The following VTI1A variants were observed in gnomAD, a reference collection of about 807,000 sequenced individuals.
VTI1A encodes the protein vesicle transport through interaction with t-SNAREs 1A.
A neutral mutation model predicts 34.9 loss-of-function variants in VTI1A; 22 were observed. That is an observed-to-expected ratio of 0.63 (90% CI 0.45 to 0.90). The LOEUF (loss-of-function observed/expected upper bound fraction) is 0.90, where lower values mean the gene tolerates loss of function less well. Among genes scored for constraint, VTI1A ranks in the 40% least tolerant of loss-of-function variants. The pLI is 0.00. For synonymous variants in VTI1A, 87 were observed against 97.3 expected (o/e 0.89, Z 0.62); for missense variants, 268 against 275.6 (o/e 0.97, Z 0.20).
chr10:112,454,989 C>A (rs1174573720), intron 1 of VTI1A, among the ~76,000 whole-genome samples: 1 of 151,890 alleles, frequency 6.6e-6, no homozygotes, highest in Non-Finnish European at 1.5e-5. Flanking sequence ...TTAATGATAG[C>A]CCTTAGTTAC....
intron 7 of VTI1A, among the ~76,000 whole-genome samples, chr10:112,787,529 GCTC>G (rs1852324068): frequency 1.3e-5 from 2 of 151,874 alleles, no homozygotes; most frequent in Non-Finnish European, 2.9e-5. Context: ...TTCTCTCTAA[GCTC>G]TGCTTAAATT....
intron 4 of VTI1A, among the ~76,000 whole-genome samples, chr10:112,534,990 A>G (rs920165178): frequency 1.3e-5 from 2 of 152,226 alleles, no homozygotes; most frequent in African/African-American, 4.8e-5. Flanking sequence ...GCTTATTGCA[A>G]TCAACATTTT....
In VTI1A at chr10:112,818,668, G is replaced by A. The variant is rs774701030; in HGVS notation, c.*3285G>A. ...CCAGCAACTTGGCGCCTGTTTAGAC[G>A]TTTTTATTTTCTTTCATTATTAGTC... On this transcript the variant is annotated 3_prime_UTR_variant, in exon 8 of 8. Coordinates refer to ENST00000393077, the MANE Select transcript of VTI1A (RefSeq NM_145206.4). 5 of 212,970 alleles carry A rather than the reference G, an allele frequency of 2.3e-5. No homozygotes were observed. Among genetic ancestry groups the A allele is most frequent in the African/African-American group, 4.5e-5 (2 of 44,140 alleles). The allele number at this position is 212,970 out of a possible 1,614,324, so 13.2% of individuals were successfully genotyped here.
At chr10:112,738,191 G>C (rs144334087) in intron 7 of VTI1A, among the ~76,000 whole-genome samples, 222 of 152,290 alleles carry the variant, frequency 1.5e-3, no homozygotes, top group African/African-American at 5.3e-3. Flanking sequence ...CATATGTAAA[G>C]TGGCACCATC....
At chr10:112,746,750 A>G (rs1253716768) in intron 7 of VTI1A, among the ~76,000 whole-genome samples, 1 of 152,228 alleles carries the variant, frequency 6.6e-6, no homozygotes, top group African/African-American at 2.4e-5. Context: ...CTAGGGAGAA[A>G]GAAAACTCAA....
chr10:112,618,368 A>G (rs997696974), intron 5 of VTI1A, among the ~76,000 whole-genome samples: 4 of 150,402 alleles, frequency 2.7e-5, no homozygotes, highest in Non-Finnish European at 4.4e-5. Flanking sequence ...TACCTCATCA[A>G]CATCATCATC....
the VTI1A span, among the ~76,000 whole-genome samples, chr10:112,828,931 C>T: frequency 9.2e-5 from 14 of 151,730 alleles, no homozygotes; most frequent in African/African-American, 3.1e-4. Context: ...AGCATTTGAA[C>T]CACAAAACTG....
chr10:112,479,254 A>C (rs1848384828), intron 3 of VTI1A, among the ~76,000 whole-genome samples: 1 of 151,822 alleles, frequency 6.6e-6, no homozygotes, highest in Admixed American at 6.5e-5. Context: ...GAGAGGAGGA[A>C]GACTCTGTAG....
At chr10:112,771,695 G>A (rs1222140864) in intron 7 of VTI1A, among the ~76,000 whole-genome samples, 1 of 152,018 alleles carries the variant, frequency 6.6e-6, no homozygotes, top group African/African-American at 2.4e-5. Flanking sequence ...GTACCTTTTA[G>A]CTATATCTTC....
At chr10:112,755,454 A>G (rs1347730712) in intron 7 of VTI1A, among the ~76,000 whole-genome samples, 1 of 152,150 alleles carries the variant, frequency 6.6e-6, no homozygotes, top group Non-Finnish European at 1.5e-5. Flanking sequence ...TTAATGAAGA[A>G]TAGTGGAGAA....
intron 7 of VTI1A, among the ~76,000 whole-genome samples, chr10:112,686,578 CGACGTGCTAGTTTCTTTAGAT>C (rs1848423228): frequency 6.6e-6 from 1 of 152,124 alleles, no homozygotes; most frequent in Admixed American, 6.5e-5. Context: ...AAATGAATTC[CGACGTGCTAGTTTCTTTAGAT>C]GAATCTTCTT....
chr10:112,527,226 C>A, intron 4 of VTI1A, 62 bp downstream of exon 4: 4 of 1,460,312 alleles, frequency 2.7e-6, no homozygotes, highest in Non-Finnish European at 3.8e-6. Flanking sequence ...CACTGGCGCA[C>A]TGGGCTCTCA....
At chr10:112,757,950 T>C (rs906351293) in intron 7 of VTI1A, among the ~76,000 whole-genome samples, 3 of 152,236 alleles carry the variant, frequency 2.0e-5, no homozygotes, top group Non-Finnish European at 2.9e-5. Context: ...TTAGGAGGTC[T>C]GCACAGTTTA....
At chr10:112,698,644 A>T (rs1022804708) in intron 7 of VTI1A, among the ~76,000 whole-genome samples, 1 of 152,240 alleles carries the variant, frequency 6.6e-6, no homozygotes, top group Non-Finnish European at 1.5e-5. Flanking sequence ...CACATGGCTT[A>T]ACACCCTTCT....
intron 5 of VTI1A, among the ~76,000 whole-genome samples, chr10:112,629,871 A>G (rs1846064419): frequency 6.6e-6 from 1 of 152,184 alleles, no homozygotes; most frequent in Non-Finnish European, 1.5e-5. Context: ...AACATGCCAT[A>G]TGCCATTCAT....
At chr10:112,830,020 T>C in the VTI1A span, among the ~76,000 whole-genome samples, 1 of 152,286 alleles carries the variant, frequency 6.6e-6, no homozygotes, top group South Asian at 2.1e-4. Flanking sequence ...ATAACTCACC[T>C]GTGCTCTCCC....
the VTI1A span, chr10:112,825,721 T>C: frequency 0.84 from 127,983 of 152,172 alleles, 54,197 homozygotes; most frequent in African/African-American, 0.94. Flanking sequence ...TAGGGAGCAC[T>C]CCATGGGGTC....
At chr10:112,744,557 A>G (rs1193067942) in intron 7 of VTI1A, among the ~76,000 whole-genome samples, 1 of 134,970 alleles carries the variant, frequency 7.4e-6, no homozygotes, top group African/African-American at 2.9e-5. Context: ...CGATCTTCCC[A>G]CCTCAGCCTC....
intron 7 of VTI1A, among the ~76,000 whole-genome samples, chr10:112,703,617 T>C (rs953314479): frequency 1.3e-5 from 2 of 152,126 alleles, no homozygotes; most frequent in Non-Finnish European, 1.5e-5. Flanking sequence ...ATATAATTAA[T>C]CTACAGTATA....
Sources: allele counts gnomAD v4.1 joint callset (sites outside exome capture counted in the v4.1 genomes callset), GRCh38; gene constraint gnomAD v4.1.1; transcripts MANE v1.5; gene names NCBI Gene and HGNC (gene_info 2026-07-23, HGNC 2026-07-21).